Variants in PRKN observed in about 807,000 individuals in gnomAD.
PRKN encodes E3 ubiquitin-protein ligase parkin.
Under a neutral mutation model 59.5 loss-of-function variants are expected in PRKN, and 56 were observed. The ratio of observed to expected loss-of-function variants is 0.94; its 90% CI spans 0.76 to 1.18. The LOEUF is 1.18. Ranked by LOEUF, PRKN falls within the 50% of genes most tolerant of loss-of-function variation. PRKN has a pLI of 0.00. For synonymous variants in PRKN, 250 were observed against 222.1 expected (o/e 1.13, Z -1.12); for missense variants, 657 against 596.4 (o/e 1.10, Z -1.06).
At chr6:162,098,949 A>T (rs1465298464) in intron 4 of PRKN, among the ~76,000 whole-genome samples, 2 of 152,170 alleles carry the variant, frequency 1.3e-5, no homozygotes, top group Non-Finnish European at 2.9e-5. Context: ...AATATACAAA[A>T]TCTGGAGTCC....
chr6:161,744,036 G>C (rs143330376), intron 7 of PRKN, among the ~76,000 whole-genome samples: 2 of 151,980 alleles, frequency 1.3e-5, no homozygotes, highest in Non-Finnish European at 2.9e-5. Flanking sequence ...CATCCACTTG[G>C]GTATATGTGG....
At position 161,488,085 on chromosome 6, in the gene PRKN, G is replaced by A. The variant is rs971967311; in HGVS notation, c.1083+60769C>T. On this transcript the variant is annotated intron_variant, in intron 9 of 11. Transcript: ENST00000366898. This position sits in a 1 kb window ranked among gnomAD's most constrained non-coding sequence, Gnocchi z 4.5. ...GAAGAAAGCAGGGCTGGCTTACAGG[G>A]TGAGATCGTGCAGTGGTTGGGGAAG... Among the ~76,000 whole-genome samples the A allele has an allele frequency of 5.3e-5, 8 of 152,248 alleles. No homozygotes were observed. Among genetic ancestry groups the A allele is most frequent in the Non-Finnish European group, 8.8e-5 (6 of 68,038 alleles).
At chr6:161,477,252 T>TCA (rs1201559040) in intron 9 of PRKN, among the ~76,000 whole-genome samples, 5 of 152,178 alleles carry the variant, frequency 3.3e-5, no homozygotes, top group Non-Finnish European at 4.4e-5. Context: ...GCGCGGTGGC[T>TCA]CACGCCTGTA....
chr6:162,219,453 C>T (rs574273404), intron 3 of PRKN, among the ~76,000 whole-genome samples: 1 of 152,208 alleles, frequency 6.6e-6, no homozygotes, highest in Non-Finnish European at 1.5e-5. Context: ...CAAACTCAGG[C>T]CAGCTGGATC....
chr6:161,933,562 T>C (rs62435965), intron 6 of PRKN, among the ~76,000 whole-genome samples: 84,553 of 151,978 alleles, frequency 0.56, 23,671 homozygotes, highest in Middle Eastern at 0.67. Context: ...ATAACTTTGG[T>C]GTCACAGTTC....
At chr6:161,612,005 C>T (rs1782505701) in intron 7 of PRKN, among the ~76,000 whole-genome samples, 1 of 152,188 alleles carries the variant, frequency 6.6e-6, no homozygotes, top group Admixed American at 6.5e-5. Flanking sequence ...CACAATACTC[C>T]ATTAAGCCAA....
chr6:161,452,821 G>C (rs1000007467), intron 9 of PRKN, among the ~76,000 whole-genome samples: 17 of 151,944 alleles, frequency 1.1e-4, no homozygotes, highest in Non-Finnish European at 1.8e-4. Context: ...ACCCACAGGC[G>C]AGGGGCAGGG....
chr6:162,469,200 G>C (rs1306111601), intron 1 of PRKN, among the ~76,000 whole-genome samples: 1 of 152,080 alleles, frequency 6.6e-6, no homozygotes, highest in Non-Finnish European at 1.5e-5. Context: ...TAAGACTACT[G>C]TGTTTGAAGG....
chr6:161,620,324 G>T (rs1352434870), intron 7 of PRKN, among the ~76,000 whole-genome samples: 2 of 152,002 alleles, frequency 1.3e-5, no homozygotes, highest in East Asian at 3.9e-4. Context: ...ATTTCCATTG[G>T]TCCTGTTGGC....
rs1324856836 is a variant in PRKN, at chr6:161,533,615, A to G, written c.1083+15239T>C. Among the ~76,000 whole-genome samples the G allele has an allele frequency of 6.6e-6, 1 of 152,098 alleles. No homozygotes were observed. Among genetic ancestry groups the G allele is most frequent in the African/African-American group, 2.4e-5 (1 of 41,432 alleles). ...TCTTCGCGTGCTAAGTAAACGTCAC[A>G]CCTGGTCAAACCAATCTGTGAGCCC... On this transcript the variant is annotated intron_variant, in intron 9 of 11. Transcript: ENST00000366898. The surrounding 1 kb of genome is among the most constrained non-coding windows in gnomAD (Gnocchi z 4.1).
chr6:162,411,996 T>C (rs1583527064), intron 2 of PRKN, among the ~76,000 whole-genome samples: 1 of 151,608 alleles, frequency 6.6e-6, no homozygotes, highest in Admixed American at 6.6e-5. Context: ...AAAACCATAG[T>C]ATTTCTTTGG....
At chr6:162,476,906 G>A (rs950236601) in intron 1 of PRKN, among the ~76,000 whole-genome samples, 1 of 152,106 alleles carries the variant, frequency 6.6e-6, no homozygotes, top group African/African-American at 2.4e-5. Context: ...AGCAATAAAT[G>A]GAGGAGCTGA....
chr6:162,399,855 A>T (rs1787671175), intron 2 of PRKN, among the ~76,000 whole-genome samples: 1 of 152,176 alleles, frequency 6.6e-6, no homozygotes, highest in Admixed American at 6.5e-5. Flanking sequence ...ACTACAAGGA[A>T]AAAGATAGAA....
At chr6:162,154,304 A>G (rs924545153) in intron 4 of PRKN, among the ~76,000 whole-genome samples, 1 of 152,148 alleles carries the variant, frequency 6.6e-6, no homozygotes, top group African/African-American at 2.4e-5. Context: ...AGTAAGCAAG[A>G]AAAACACTGA....
intron 2 of PRKN, among the ~76,000 whole-genome samples, chr6:162,431,557 C>A (rs567746695): frequency 2.7e-5 from 4 of 150,784 alleles, no homozygotes; most frequent in Non-Finnish European, 5.9e-5. Flanking sequence ...GACTCTGTCT[C>A]AAAAAAAACA....
At chr6:161,469,817 T>C (rs892615415) in intron 9 of PRKN, among the ~76,000 whole-genome samples, 1 of 152,182 alleles carries the variant, frequency 6.6e-6, no homozygotes, top group Non-Finnish European at 1.5e-5. Flanking sequence ...GCCATGACAT[T>C]TGTGATAATT....
chr6:162,671,836 A>T (rs996913909), intron 1 of PRKN, among the ~76,000 whole-genome samples: 1 of 152,156 alleles, frequency 6.6e-6, no homozygotes, highest in Non-Finnish European at 1.5e-5. Context: ...CAAATTGTAC[A>T]GTCAAAGAAT....
chr6:162,127,244 C>A (rs566453771), intron 4 of PRKN, among the ~76,000 whole-genome samples: 1 of 152,360 alleles, frequency 6.6e-6, no homozygotes, highest in Non-Finnish European at 1.5e-5. Context: ...CTGCCTAATG[C>A]ACTCAATGCC....
intron 6 of PRKN, among the ~76,000 whole-genome samples, chr6:161,940,395 C>G (rs1779518252): frequency 6.6e-6 from 1 of 152,178 alleles, no homozygotes; most frequent in Admixed American, 6.5e-5. Flanking sequence ...TGGCTGGTGC[C>G]AGCAAGGTGG....
Sources: gnomAD v4.1 joint callset for allele counts (sites outside exome capture counted in the v4.1 genomes callset) on GRCh38, gnomAD v4.1.1 for gene constraint, Gnocchi (gnomAD v3.1) non-coding constraint, MANE v1.5 for transcripts, NCBI Gene and HGNC (gene_info 2026-07-23, HGNC 2026-07-21) for gene names.